The following ENPP3 variants were observed in gnomAD, a reference collection of about 807,000 sequenced individuals.
ENPP3 encodes ectonucleotide pyrophosphatase/phosphodiesterase 3, also known as ectonucleotide pyrophosphatase/phosphodiesterase family member 3.
A neutral mutation model predicts 117.8 loss-of-function variants in ENPP3; 104 were observed. The ratio of observed to expected loss-of-function variants is 0.88; its 90% confidence interval spans 0.75 to 1.04. ENPP3 has a LOEUF of 1.04. Ranked by LOEUF, ENPP3 falls within the 50% of genes least tolerant of loss-of-function variation. The pLI is 0.00. For missense variants in ENPP3, 1,026 were observed against 1,051.9 expected (o/e 0.98, Z 0.34); for synonymous variants, 380 against 349.9 (o/e 1.09, Z -0.96).
chr6:131,663,360 T>A (rs1778543911), intron 6 of ENPP3, among the ~76,000 whole-genome samples: 1 of 151,854 alleles, frequency 6.6e-6, no homozygotes, highest in Admixed American at 6.6e-5. Context: ...GCATATATAA[T>A]GGCGGTCCCA....
chr6:131,638,730 T>C (rs1405057150), intron 1 of ENPP3, among the ~76,000 whole-genome samples: 1 of 152,070 alleles, frequency 6.6e-6, no homozygotes, highest in African/African-American at 2.4e-5. Flanking sequence ...TGGCCTCTAG[T>C]GTTTTCCTCA....
intron 16 of ENPP3, among the ~76,000 whole-genome samples, chr6:131,719,421 A>ACTCC (rs1779969179): frequency 8.6e-6 from 1 of 116,742 alleles, no homozygotes; most frequent in Non-Finnish European, 1.6e-5. Flanking sequence ...ACACACACAC[A>ACTCC]TTCCTTTCCA....
In ENPP3 at chr6:131,641,536, C is replaced by G. The variant is rs374221413; in HGVS notation, c.154+6C>G. 15 of 1,567,236 alleles carry G rather than the reference C, an allele frequency of 9.6e-6. No homozygotes were observed. In the African/African-American group the frequency reaches 1.4e-4, roughly 14 times the overall value. ...CAGGAAACTGGAAAAGCAAGGTATA[C>G]CCCTCAGCCTTTTCTCAGAACATTC... On this transcript the variant is annotated splice_donor_region_variant and intron_variant, in intron 2 of 24. Coordinates refer to ENST00000357639, the MANE Select transcript of ENPP3 (RefSeq NM_005021.5).
At chr6:131,640,207 G>T (rs1158779507) in intron 1 of ENPP3, among the ~76,000 whole-genome samples, 1 of 152,164 alleles carries the variant, frequency 6.6e-6, no homozygotes, top group Non-Finnish European at 1.5e-5. Context: ...TAATTTGTAA[G>T]TCTATGATGT....
chr6:131,717,349 GGGGTGTGTGTGTGTGTGT>G lies in ENPP3; in HGVS notation c.1413-1321_1413-1304del, dbSNP rs1255772152. The stretch of plus-strand genomic sequence containing the variant: ...GTAAAAACAAACAGAAACCCTGCGG[GGGGTGTGTGTGTGTGTGT>G]GTGTGTGTGTGTGTGTGTGTGTGTG... On this transcript the variant is annotated intron_variant, in intron 15 of 24. Transcript: ENST00000357639. Among the ~76,000 whole-genome samples, 1,208 of 126,954 alleles carry G rather than the reference GGGGTGTGTGTGTGTGTGT, an allele frequency of 9.5e-3. 33 individuals carry two copies. Among genetic ancestry groups the G allele is most frequent in the Non-Finnish European group, 0.013 (798 of 61,206 alleles). 83.3% of individuals were successfully genotyped at this position (126,954 alleles called of 152,430 possible). A position where few individuals can be genotyped will look rare whatever the true frequency, so the allele number is the denominator to read the frequency against.
At chr6:131,733,562 A>AT (rs1255835135) in intron 20 of ENPP3, 26 bp from the exon 21 acceptor site, 1 of 1,597,874 alleles carries the variant, frequency 6.3e-7, no homozygotes, top group South Asian at 1.1e-5. Flanking sequence ...TGTGGGCGTA[A>AT]TTTTTTTCTC....
At chr6:131,649,734 TTAG>T (rs1778222676) in intron 2 of ENPP3, among the ~76,000 whole-genome samples, 1 of 152,038 alleles carries the variant, frequency 6.6e-6, no homozygotes, top group African/African-American at 2.4e-5. Context: ...TTTTGTATTT[TTAG>T]TAGAGATGGG....
intron 15 of ENPP3, among the ~76,000 whole-genome samples, chr6:131,713,359 T>G (rs1779827631): frequency 4.6e-5 from 7 of 150,928 alleles, no homozygotes; most frequent in Admixed American, 4.0e-4. Flanking sequence ...GATTGTATAG[T>G]TTTTTATGGT....
intron 1 of ENPP3, among the ~76,000 whole-genome samples, chr6:131,641,236 G>A (rs1332892052): frequency 6.6e-6 from 1 of 151,950 alleles, no homozygotes; most frequent in Non-Finnish European, 1.5e-5. Context: ...GTAATAAATG[G>A]TATCTTTAAA....
intron 24 of ENPP3, among the ~76,000 whole-genome samples, chr6:131,744,587 C>T (rs1031411724): frequency 2.0e-5 from 3 of 152,142 alleles, no homozygotes; most frequent in African/African-American, 7.2e-5. Flanking sequence ...GGGTAGCTAA[C>T]TAATTGAAAA....
chr6:131,660,813 T>G (rs539273692), intron 6 of ENPP3, among the ~76,000 whole-genome samples: 24 of 152,350 alleles, frequency 1.6e-4, no homozygotes, highest in Admixed American at 1.2e-3. Context: ...GGCATAATGT[T>G]GTACAGCAGA....
rs567335622 is a variant in ENPP3 at position 131,709,798 on chromosome 6, T to A, written c.1413-8874T>A. ...CTTCTCTTCTTCCTCTATTCGGTAATTTTCCTCCACTGTTAATTTCCTGTA... is the reference window on the plus strand; with the variant it reads ...CTTCTCTTCTTCCTCTATTCGGTAAATTTCCTCCACTGTTAATTTCCTGTA... On this transcript the variant is annotated intron_variant, in intron 15 of 24. Transcript: ENST00000357639. The A allele has an allele frequency of 7.9e-5, 128 of 1,613,330 alleles. No homozygotes were observed. The African/African-American group carries it at 1.6e-3, about 20-fold the overall frequency.
intron 20 of ENPP3, among the ~76,000 whole-genome samples, chr6:131,728,850 T>C (rs901339440): frequency 2.6e-5 from 4 of 152,214 alleles, no homozygotes; most frequent in African/African-American, 9.6e-5. Context: ...CCATTAAGGT[T>C]AGTCAGACCA....
At chr6:131,685,705 C>A (rs543896076) in intron 13 of ENPP3, among the ~76,000 whole-genome samples, 171 bp from the exon 14 acceptor site, 2 of 152,090 alleles carry the variant, frequency 1.3e-5, no homozygotes, top group African/African-American at 4.8e-5. Context: ...ATATATCCTA[C>A]TCAGTTCTAA....
At chr6:131,696,248 C>T (rs1372326973) in intron 15 of ENPP3, among the ~76,000 whole-genome samples, 1 of 152,162 alleles carries the variant, frequency 6.6e-6, no homozygotes, top group African/African-American at 2.4e-5. Flanking sequence ...CAGCAACTGA[C>T]AAATAAATTT....
At chr6:131,667,601 T>G (rs1778645169) in intron 6 of ENPP3, among the ~76,000 whole-genome samples, 1 of 152,194 alleles carries the variant, frequency 6.6e-6, no homozygotes, top group African/African-American at 2.4e-5. Context: ...TTTTCCCCCT[T>G]GGGGAGAAAC....
chr6:131,687,532 T>A (rs1186321529), intron 14 of ENPP3, among the ~76,000 whole-genome samples: 1 of 152,136 alleles, frequency 6.6e-6, no homozygotes, highest in African/African-American at 2.4e-5. Context: ...ACTAAGAGCT[T>A]CTGTATAGCC....
intron 24 of ENPP3, among the ~76,000 whole-genome samples, chr6:131,745,149 A>G (rs936330423): frequency 1.3e-5 from 2 of 152,174 alleles, no homozygotes; most frequent in African/African-American, 4.8e-5. Flanking sequence ...AGAAAATGTT[A>G]TGGAAAAAAA....
intron 14 of ENPP3, among the ~76,000 whole-genome samples, chr6:131,686,429 C>T (rs1779154630): frequency 6.6e-6 from 1 of 152,072 alleles, no homozygotes; most frequent in Non-Finnish European, 1.5e-5. Context: ...CCTGGAGAGA[C>T]CTGGAATGGT....
Sources: allele counts gnomAD v4.1 joint callset (sites outside exome capture counted in the v4.1 genomes callset), GRCh38; gene constraint gnomAD v4.1.1; transcripts MANE v1.5; gene names NCBI Gene and HGNC (gene_info 2026-07-23, HGNC 2026-07-21).